EFL1: variants seen among roughly 807,000 people sequenced by gnomAD.
EFL1 encodes elongation factor like GTPase 1.
In EFL1, 76 loss-of-function variants were observed where a neutral mutation model predicts 126.7. The observed-to-expected ratio is 0.60, with a 90% CI of 0.50 to 0.73. EFL1 has a LOEUF of 0.73. EFL1 is among the 30% of genes least tolerant of loss of function. The probability of loss-of-function intolerance (pLI) is 0.00; values close to 1 mark genes in which losing one functional copy is unlikely to be tolerated. For synonymous variants in EFL1, 410 were observed against 448.4 expected, an observed-to-expected ratio of 0.91 and a Z score of 1.08; for missense variants, 1,128 against 1,343.2, an observed-to-expected ratio of 0.84 and a Z score of 2.50.
At chr15:82,197,264 T>G (rs1406290963) in intron 15 of EFL1, among the ~76,000 whole-genome samples, 1 of 152,208 alleles carries the variant, frequency 6.6e-6, no homozygotes, top group Admixed American at 6.5e-5. Flanking sequence ...TCCACCCCTA[T>G]TCCCAGGGGA....
chr15:82,233,898 G>C (rs1179004164), intron 7 of EFL1: 1 of 152,122 alleles, frequency 6.6e-6, no homozygotes, highest in Non-Finnish European at 1.5e-5. Context: ...AGAGGAAAAG[G>C]GGAAGGAAAA....
chr15:82,216,860 AAAGGTACCAAATGGAAAGTAAAAAC>A (rs1731156508), intron 14 of EFL1, among the ~76,000 whole-genome samples: 2 of 152,160 alleles, frequency 1.3e-5, no homozygotes, highest in Non-Finnish European at 2.9e-5. Context: ...CTGCCTATTA[AAAGGTACCAAATGGAAAGTAAAAAC>A]AAGTTCTACA....
At chr15:82,157,689 C>G in intron 17 of EFL1, 24 bp downstream of exon 17, 1 of 1,599,538 alleles carries the variant, frequency 6.3e-7, no homozygotes, top group Non-Finnish European at 8.5e-7. Flanking sequence ...TATCATTTCT[C>G]CATCGCTATC....
At chr15:82,225,919 C>T (rs1380000467) in intron 11 of EFL1, among the ~76,000 whole-genome samples, 1 of 151,770 alleles carries the variant, frequency 6.6e-6, no homozygotes, top group Non-Finnish European at 1.5e-5. Context: ...CATCACCTCA[C>T]GTTAAAATAA....
intron 15 of EFL1, among the ~76,000 whole-genome samples, chr15:82,198,839 T>G (rs1157784137): frequency 1.3e-5 from 2 of 152,154 alleles, no homozygotes; most frequent in African/African-American, 4.8e-5. Flanking sequence ...ATTTACTAGT[T>G]TGCGATCAAA....
At chr15:82,225,842 G>A (rs1333757964) in intron 11 of EFL1, among the ~76,000 whole-genome samples, 1 of 152,060 alleles carries the variant, frequency 6.6e-6, no homozygotes, top group Non-Finnish European at 1.5e-5. Flanking sequence ...ATTAACATAT[G>A]AACATTTTCC....
At chr15:82,169,823 A>G (rs2074115291) in intron 15 of EFL1, among the ~76,000 whole-genome samples, 2 of 152,242 alleles carry the variant, frequency 1.3e-5, no homozygotes, top group South Asian at 4.1e-4. Flanking sequence ...GGCAAGGACC[A>G]AAATAGGCAC....
intron 4 of EFL1, among the ~76,000 whole-genome samples, chr15:82,247,249 G>A (rs1357868440): frequency 2.0e-5 from 3 of 152,132 alleles, no homozygotes; most frequent in Non-Finnish European, 4.4e-5. Context: ...GTCGAAGATG[G>A]ATAGCTCAAG....
At chr15:82,203,400 G>A (rs1255041409) in intron 15 of EFL1, among the ~76,000 whole-genome samples, 3 of 152,096 alleles carry the variant, frequency 2.0e-5, no homozygotes, top group African/African-American at 7.2e-5. Context: ...ACGGAGTCTC[G>A]CTCTGTCGCC....
At chr15:82,207,789 C>T (rs1200280474) in intron 15 of EFL1, among the ~76,000 whole-genome samples, 3 of 149,896 alleles carry the variant, frequency 2.0e-5, no homozygotes, top group Admixed American at 6.6e-5. Flanking sequence ...GGTGCGGGCT[C>T]GGCTCACTGC....
intron 15 of EFL1, among the ~76,000 whole-genome samples, chr15:82,187,764 G>A (rs1433850081): frequency 6.6e-6 from 1 of 151,948 alleles, no homozygotes; most frequent in Non-Finnish European, 1.5e-5. Context: ...TATATGCACA[G>A]TATCTAAAAT....
rs529122254 is a variant in EFL1, at chr15:82,163,707, C to A, written c.1882+146G>T. On this transcript the variant is annotated intron_variant, in intron 16 of 19. Transcript: ENST00000268206. ...ATGTTCCTAAGACAGAAGTTAGATG[C>A]CCTTTGAAGAGTTGCTTCTACTATA... is the stretch of plus-strand genomic sequence containing the variant. The A allele has an allele frequency of 2.1e-5, 19 of 918,950 alleles. No homozygotes were observed. The East Asian group carries it at 2.3e-4, about 11-fold the overall frequency. 56.9% of individuals were successfully genotyped at this position (918,950 alleles called of 1,614,324 possible).
Position 82,247,799 on chromosome 15 carries a change from A to C in EFL1, c.244+4892T>G, listed in dbSNP as rs187902009. ...TTGAAAGAGGGTGTCAGAATCACAGAGAAACATGGGGAAGAGACTATAAGA... is the reference window on the plus strand; with the variant it reads ...TTGAAAGAGGGTGTCAGAATCACAGCGAAACATGGGGAAGAGACTATAAGA... On this transcript the variant is annotated intron_variant, in intron 4 of 19. Coordinates refer to ENST00000268206, the MANE Select transcript of EFL1 (RefSeq NM_024580.6). Among the ~76,000 whole-genome samples, 24 of 152,222 alleles carry C rather than the reference A, an allele frequency of 1.6e-4. 1 individual carries two copies. Among genetic ancestry groups the C allele is most frequent in the African/African-American group, 4.8e-4 (20 of 41,490 alleles).
chr15:82,211,547 TATACACAC>T (rs1330303226), intron 15 of EFL1, among the ~76,000 whole-genome samples: 3 of 70,774 alleles, frequency 4.2e-5, no homozygotes, highest in African/African-American at 1.4e-4. Flanking sequence ...AAAAAATCTA[TATACACAC>T]ACACACACAC....
chr15:82,241,074 GT>G (rs2074926222), intron 5 of EFL1, among the ~76,000 whole-genome samples, 195 bp downstream of exon 5: 1 of 152,028 alleles, frequency 6.6e-6, no homozygotes, highest in Admixed American at 6.6e-5. Context: ...CAAAAACAAA[GT>G]ATGTTAAATT....
At chr15:82,201,120 T>C (rs1257920687) in intron 15 of EFL1, among the ~76,000 whole-genome samples, 2 of 152,234 alleles carry the variant, frequency 1.3e-5, no homozygotes, top group Non-Finnish European at 2.9e-5. Context: ...TTGAAGAAAA[T>C]AAATGATGAA....
At chr15:82,180,177 C>T (rs2074234728) in intron 15 of EFL1, among the ~76,000 whole-genome samples, 1 of 152,056 alleles carries the variant, frequency 6.6e-6, no homozygotes, top group African/African-American at 2.4e-5. Context: ...AATCTCTTAA[C>T]TCTTCCCCGT....
At chr15:82,191,729 T>G (rs1238483128) in intron 15 of EFL1, among the ~76,000 whole-genome samples, 1 of 152,130 alleles carries the variant, frequency 6.6e-6, no homozygotes, top group African/African-American at 2.4e-5. Flanking sequence ...AGTGCCACAG[T>G]TTTTCACTCA....
intron 15 of EFL1, among the ~76,000 whole-genome samples, chr15:82,197,701 T>C (rs1459677294): frequency 3.3e-5 from 5 of 152,036 alleles, no homozygotes; most frequent in Admixed American, 6.6e-5. Flanking sequence ...CCTTTAGTAG[T>C]TGGAAGAGGG....
Sources: allele counts gnomAD v4.1 joint callset (sites outside exome capture counted in the v4.1 genomes callset), GRCh38; gene constraint gnomAD v4.1.1; transcripts MANE v1.5; gene names NCBI Gene and HGNC (gene_info 2026-07-23, HGNC 2026-07-21).